The following RHOT1 variants were observed in gnomAD, a reference collection of about 807,000 sequenced individuals.
RHOT1 encodes the protein ras homolog family member T1.
Under a neutral mutation model 95.3 loss-of-function variants are expected in RHOT1, and 27 were observed. That is an observed-to-expected ratio of 0.28 (90% CI 0.21 to 0.39). The LOEUF (loss-of-function observed/expected upper bound fraction) is 0.39, where lower values mean the gene tolerates loss of function less well. Ranked by LOEUF, RHOT1 falls within the 10% of genes least tolerant of loss-of-function variation. The pLI, the probability that RHOT1 is intolerant of heterozygous loss-of-function variation, is 1.00. For missense variants in RHOT1, 578 were observed against 786.7 expected, an observed-to-expected ratio of 0.73 and a Z score of 3.17; for synonymous variants, 227 against 263.5, an observed-to-expected ratio of 0.86 and a Z score of 1.34.
chr17:32,173,518 G>A lies in RHOT1; in HGVS notation c.97-313G>A, dbSNP rs1349268912. On this transcript the variant is annotated intron_variant, in intron 2 of 19. Coordinates refer to ENST00000545287, the MANE Select transcript of RHOT1 (RefSeq NM_001033566.3). Reference sequence around the variant, plus strand: ...TCACAAGGTCAGGAGTTCAAGACTAGCGTGGCCAAGATGGTGAAATCGTGT... The same window carrying A: ...TCACAAGGTCAGGAGTTCAAGACTAACGTGGCCAAGATGGTGAAATCGTGT... Among the ~76,000 whole-genome samples, 3 of 152,018 alleles carry A rather than the reference G, an allele frequency of 2.0e-5. No homozygotes were observed. The East Asian group carries it at 5.8e-4, about 29-fold the overall frequency.
At chr17:32,207,230 C>T (rs1598443412) in intron 17 of RHOT1, 8 of 461,106 alleles carry the variant, frequency 1.7e-5, no homozygotes, top group South Asian at 4.9e-5. Flanking sequence ...TGAAAGTTTT[C>T]GACATGTGAT....
chr17:32,216,718 A>C (rs1330287307), intron 19 of RHOT1, among the ~76,000 whole-genome samples: 2 of 152,140 alleles, frequency 1.3e-5, no homozygotes, highest in Admixed American at 1.3e-4. Context: ...CCTTTATTGA[A>C]GAAAGGATTT....
chr17:32,168,657 C>T lies in RHOT1; in HGVS notation c.38-2386C>T, dbSNP rs186959966. Among the ~76,000 whole-genome samples, 14 of 149,548 alleles carry T rather than the reference C, an allele frequency of 9.4e-5. 1 individual carries two copies. Among genetic ancestry groups the T allele is most frequent in the South Asian group, 6.3e-4 (3 of 4,756 alleles). Reference sequence around the variant, plus strand: ...TATATTTTTATATATTTTATATATACGCCTCATAAATTATTCTGATGCATG... The same window carrying T: ...TATATTTTTATATATTTTATATATATGCCTCATAAATTATTCTGATGCATG... On this transcript the variant is annotated intron_variant, in intron 1 of 19. Transcript: ENST00000545287.
At chr17:32,163,050 G>A (rs976829529) in intron 1 of RHOT1, among the ~76,000 whole-genome samples, 10 of 152,140 alleles carry the variant, frequency 6.6e-5, no homozygotes, top group Non-Finnish European at 1.2e-4. Context: ...ATGAGATTAG[G>A]TAGGTGAGCT....
intron 19 of RHOT1, among the ~76,000 whole-genome samples, chr17:32,219,296 G>A (rs1332653027): frequency 2.0e-5 from 3 of 151,780 alleles, no homozygotes. Flanking sequence ...TTGATATCTG[G>A]GTAACAATTT....
chr17:32,174,270 A>G (rs949151153), intron 3 of RHOT1, among the ~76,000 whole-genome samples: 4 of 152,218 alleles, frequency 2.6e-5, no homozygotes, highest in South Asian at 2.1e-4. Flanking sequence ...TAATTTTTCT[A>G]TTGAGTACAT....
chr17:32,189,714 A>ACAAT (rs1487948897), intron 8 of RHOT1, among the ~76,000 whole-genome samples: 3 of 151,494 alleles, frequency 2.0e-5, no homozygotes, highest in African/African-American at 7.3e-5. Context: ...TTAGACAACA[A>ACAAT]CAATATCTTT....
At chr17:32,143,664 C>T (rs1460101226) in intron 1 of RHOT1, among the ~76,000 whole-genome samples, 6 of 152,114 alleles carry the variant, frequency 3.9e-5, no homozygotes, top group Middle Eastern at 3.2e-3. Context: ...GACGCAACAG[C>T]GGGGACTTCT....
At chr17:32,149,453 G>C (rs1193652930) in intron 1 of RHOT1, among the ~76,000 whole-genome samples, 2 of 112,010 alleles carry the variant, frequency 1.8e-5, no homozygotes, top group African/African-American at 9.1e-5. Flanking sequence ...TTGATTGTAA[G>C]CATATTTAAA....
At chr17:32,193,578 A>G (rs966298383) in intron 10 of RHOT1, among the ~76,000 whole-genome samples, 2 of 152,216 alleles carry the variant, frequency 1.3e-5, no homozygotes, top group Non-Finnish European at 2.9e-5. Flanking sequence ...ATTTTTAGGG[A>G]ATTTTGTCTA....
At chr17:32,194,953 G>A (rs1230443753) in intron 11 of RHOT1, among the ~76,000 whole-genome samples, 1 of 150,762 alleles carries the variant, frequency 6.6e-6, no homozygotes, top group African/African-American at 2.4e-5. Context: ...AGCTTCCCAA[G>A]TAGCTGGGAA....
chr17:32,205,911 G>A (rs556682709), intron 16 of RHOT1, among the ~76,000 whole-genome samples: 14 of 152,266 alleles, frequency 9.2e-5, no homozygotes, highest in African/African-American at 3.4e-4. Flanking sequence ...TTTATAATAA[G>A]CACCGAAGAG....
intron 18 of RHOT1, 118 bp from the exon 19 acceptor site, chr17:32,210,998 C>A: frequency 1.0e-6 from 1 of 995,942 alleles, no homozygotes; most frequent in Non-Finnish European, 1.4e-6. Flanking sequence ...CTGTCCTTTT[C>A]CTTTCTACAA....
At chr17:32,203,760 G>T (rs1344386405) in intron 15 of RHOT1, 130 bp from the exon 16 acceptor site, 3 of 667,054 alleles carry the variant, frequency 4.5e-6, no homozygotes, top group Admixed American at 2.9e-5. Context: ...CCTTTGTACT[G>T]ATAAATAGTA....
At chr17:32,189,423 A>G (rs1271355106) in intron 8 of RHOT1, among the ~76,000 whole-genome samples, 1 of 152,232 alleles carries the variant, frequency 6.6e-6, no homozygotes, top group Admixed American at 6.5e-5. Flanking sequence ...GAACTCTTAC[A>G]AGAATTTACC....
intron 6 of RHOT1, among the ~76,000 whole-genome samples, chr17:32,181,655 C>T (rs1463974438): frequency 1.3e-5 from 2 of 152,296 alleles, no homozygotes; most frequent in Middle Eastern, 3.4e-3. Context: ...TCTATTACCC[C>T]TCCCATTGAG....
Position 32,193,894 on chromosome 17 carries a change from C to T in RHOT1, c.749-93C>T, listed in dbSNP as rs548079160. ...AGCTTTACAATGCAAAGCTAGCATC[C>T]GTATGTTCATGAATCTGGTTCTTGC... is the stretch of plus-strand genomic sequence containing the variant. On this transcript the variant is annotated intron_variant, in intron 10 of 19. Transcript: ENST00000545287. 5.0e-5 allele frequency: 73 copies of T among 1,446,974 alleles called. No individual in the cohort carries two copies. In the South Asian group the frequency reaches 6.9e-4, roughly 14 times the overall value. The allele number at this position is 1,446,974 out of a possible 1,614,324, so 89.6% of individuals were successfully genotyped here. A position where few individuals can be genotyped will look rare whatever the true frequency, so the allele number is the denominator to read the frequency against.
intron 1 of RHOT1, among the ~76,000 whole-genome samples, chr17:32,154,484 G>A (rs898728715): frequency 7.3e-5 from 11 of 151,572 alleles, no homozygotes; most frequent in African/African-American, 2.4e-4. Flanking sequence ...CTACTCGGGA[G>A]GCTGAGGCAG....
intron 19 of RHOT1, among the ~76,000 whole-genome samples, chr17:32,211,771 A>G (rs917875926): frequency 6.6e-6 from 1 of 152,196 alleles, no homozygotes; most frequent in Non-Finnish European, 1.5e-5. Flanking sequence ...GTTTCTAGAC[A>G]TGAGGATAAT....
Sources: allele counts gnomAD v4.1 joint callset (sites outside exome capture counted in the v4.1 genomes callset), GRCh38; gene constraint gnomAD v4.1.1; transcripts MANE v1.5; gene names NCBI Gene and HGNC (gene_info 2026-07-23, HGNC 2026-07-21).